Variants in CCSER1 observed in about 807,000 individuals in gnomAD.
CCSER1 encodes serine-rich coiled-coil domain-containing protein 1.
Under a neutral mutation model 82.0 loss-of-function variants are expected in CCSER1, and 41 were observed. The observed-to-expected ratio is 0.50, with a 90% CI of 0.39 to 0.65. CCSER1 has a LOEUF of 0.65. Ranked by LOEUF, CCSER1 falls within the 30% of genes least tolerant of loss-of-function variation. The pLI is 0.00. For synonymous variants in CCSER1, 414 were observed against 383.9 expected, an observed-to-expected ratio of 1.08 and a Z score of -0.92; for missense variants, 1,119 against 1,064.2, an observed-to-expected ratio of 1.05 and a Z score of -0.72.
chr4:90,234,824 CTG>C (rs780682481), intron 1 of CCSER1, among the ~76,000 whole-genome samples: 31 of 152,246 alleles, frequency 2.0e-4, no homozygotes, highest in East Asian at 9.6e-4. Flanking sequence ...CTTTTAAAAA[CTG>C]TGTGATAATT....
chr4:90,158,574 G>C (rs1728784444), intron 1 of CCSER1, among the ~76,000 whole-genome samples: 1 of 152,198 alleles, frequency 6.6e-6, no homozygotes. Context: ...AAGCAAGCCT[G>C]GGCAATGGCG....
Position 90,553,557 on chromosome 4 carries a change from G to A in CCSER1, c.1725-74468G>A, listed in dbSNP as rs575603018. ...TAATCAGGTATCTCAAGGTGATCAC[G>A]CCTGTGTCTTGCTAGTCATGCACTG... On this transcript the variant is annotated intron_variant, in intron 5 of 10. Transcript: ENST00000509176. Among the ~76,000 whole-genome samples the A allele has an allele frequency of 1.2e-4, 18 of 152,176 alleles. No individual in the cohort carries two copies. In the South Asian group the frequency reaches 2.7e-3, roughly 23 times the overall value.
intron 1 of CCSER1, among the ~76,000 whole-genome samples, chr4:90,169,267 G>C (rs377623376): frequency 6.6e-6 from 1 of 151,960 alleles, no homozygotes; most frequent in South Asian, 2.1e-4. Context: ...TCATGATTTG[G>C]CTCTCTGTTT....
intron 9 of CCSER1, among the ~76,000 whole-genome samples, chr4:90,978,484 C>T (rs1384007021): frequency 6.6e-6 from 1 of 151,572 alleles, no homozygotes; most frequent in Non-Finnish European, 1.5e-5. Context: ...TTTTCTTCTT[C>T]ATTGCTTCAT....
chr4:91,111,243 C>G (rs1343061404), intron 10 of CCSER1, among the ~76,000 whole-genome samples: 1 of 151,962 alleles, frequency 6.6e-6, no homozygotes, highest in Non-Finnish European at 1.5e-5. Context: ...TGCAGACACT[C>G]ATCACTTTTA....
chr4:90,215,986 C>T (rs1367568), intron 1 of CCSER1, among the ~76,000 whole-genome samples: 99,412 of 152,024 alleles, frequency 0.65, 35,001 homozygotes, highest in African/African-American at 0.91. Flanking sequence ...TGGATAATAT[C>T]TAATGAATTC....
intron 10 of CCSER1, among the ~76,000 whole-genome samples, chr4:91,463,347 C>T (rs535522890): frequency 1.3e-5 from 2 of 152,276 alleles, no homozygotes; most frequent in East Asian, 1.9e-4. Flanking sequence ...CACACCAAAA[C>T]CCCATCTGGA....
At chr4:91,412,094 A>G (rs1225178012) in intron 10 of CCSER1, among the ~76,000 whole-genome samples, 1 of 151,936 alleles carries the variant, frequency 6.6e-6, no homozygotes, top group Non-Finnish European at 1.5e-5. Flanking sequence ...GATTCAGGAA[A>G]CTCCAGTGGA....
intron 9 of CCSER1, among the ~76,000 whole-genome samples, chr4:90,969,184 A>G (rs1220897050): frequency 6.6e-6 from 1 of 151,918 alleles, no homozygotes; most frequent in Non-Finnish European, 1.5e-5. Flanking sequence ...ATGAAACAGT[A>G]TACACATTAT....
At chr4:90,770,364 T>C (rs1019767100) in intron 7 of CCSER1, among the ~76,000 whole-genome samples, 4 of 152,178 alleles carry the variant, frequency 2.6e-5, no homozygotes, top group African/African-American at 9.7e-5. Flanking sequence ...CTACCAAATA[T>C]TATGCGAATG....
At chr4:90,930,005 A>T (rs2150279189) in intron 9 of CCSER1, among the ~76,000 whole-genome samples, 1 of 152,352 alleles carries the variant, frequency 6.6e-6, no homozygotes, top group African/African-American at 2.4e-5. Flanking sequence ...ACAATTTGTC[A>T]GTTAAAAATA....
intron 5 of CCSER1, among the ~76,000 whole-genome samples, chr4:90,536,031 GT>G (rs781671347): frequency 1.8e-3 from 215 of 117,172 alleles, no homozygotes; most frequent in East Asian, 9.7e-3. Context: ...CTTTCTTTCT[GT>G]TTTTTTTTTT....
chr4:91,345,408 A>G (rs929534699), intron 10 of CCSER1, among the ~76,000 whole-genome samples: 4 of 152,166 alleles, frequency 2.6e-5, no homozygotes, highest in African/African-American at 4.8e-5. Flanking sequence ...AGAAGAAGAA[A>G]AAAAGAAACT....
At chr4:91,223,370 GA>G (rs201804747) in intron 10 of CCSER1, among the ~76,000 whole-genome samples, 7 of 150,192 alleles carry the variant, frequency 4.7e-5, no homozygotes, top group South Asian at 2.1e-4. Flanking sequence ...TGTATCTACA[GA>G]AAAAAAAACA....
Position 91,153,490 on chromosome 4 carries a change from G to A in CCSER1, c.2217+67496G>A, listed in dbSNP as rs112350021. On this transcript the variant is annotated intron_variant, in intron 10 of 10. Coordinates refer to ENST00000509176, the MANE Select transcript of CCSER1 (RefSeq NM_001145065.2). Reference sequence around the variant, plus strand: ...TAGCTTAGAGAAGTTTGTTATTACCGATCTTCTGAAGCCTTCTTCTCTCAA... The same window carrying A: ...TAGCTTAGAGAAGTTTGTTATTACCAATCTTCTGAAGCCTTCTTCTCTCAA... Among the ~76,000 whole-genome samples the A allele has an allele frequency of 2.3e-4, 35 of 151,968 alleles. 1 individual carries two copies. Among genetic ancestry groups the A allele is most frequent in the African/African-American group, 7.5e-4 (31 of 41,496 alleles).
At position 91,603,324 on chromosome 4, in the gene CCSER1, A is replaced by T. The variant is rs1393887904; in HGVS notation, c.*4267A>T. The T allele has an allele frequency of 2.0e-5, 3 of 152,088 alleles. No homozygotes were observed. The highest frequency in any genetic ancestry group is 7.2e-5 in the African/African-American group (3 of 41,436). The allele number at this position is 152,088 out of a possible 1,614,324, so 9.4% of individuals were successfully genotyped here. A position where few individuals can be genotyped will look rare whatever the true frequency, so the allele number is the denominator to read the frequency against. On this transcript the variant is annotated 3_prime_UTR_variant, in exon 11 of 11. Coordinates refer to ENST00000509176, the MANE Select transcript of CCSER1 (RefSeq NM_001145065.2). ...TAAACTGCATACATACCCATGAACT[A>T]TTTATTTACAATACATTTGATCTCG...
At chr4:90,409,559 C>A (rs980788428) in intron 4 of CCSER1, among the ~76,000 whole-genome samples, 8 of 152,240 alleles carry the variant, frequency 5.3e-5, no homozygotes, top group East Asian at 1.9e-4. Flanking sequence ...GAAATAAAAT[C>A]CTTTACATAC....
At chr4:90,920,844 A>G (rs941692267) in intron 8 of CCSER1, among the ~76,000 whole-genome samples, 1 of 151,900 alleles carries the variant, frequency 6.6e-6, no homozygotes, top group Admixed American at 6.6e-5. Context: ...AAAGTTATAA[A>G]ATACAAATAT....
At chr4:91,485,471 G>A (rs1239606270) in intron 10 of CCSER1, among the ~76,000 whole-genome samples, 5 of 152,114 alleles carry the variant, frequency 3.3e-5, no homozygotes, top group Non-Finnish European at 5.9e-5. Flanking sequence ...ATATGGGCCT[G>A]TATTAAGAAG....
Sources: allele counts gnomAD v4.1 joint callset (sites outside exome capture counted in the v4.1 genomes callset), GRCh38; gene constraint gnomAD v4.1.1; transcripts MANE v1.5; gene names NCBI Gene and HGNC (gene_info 2026-07-23, HGNC 2026-07-21).